The following CNTNAP2 variants were observed in gnomAD, a reference collection of about 807,000 sequenced individuals.
CNTNAP2 encodes the protein contactin-associated protein-like 2.
A neutral mutation model predicts 155.2 loss-of-function variants in CNTNAP2; 98 were observed. The ratio of observed to expected loss-of-function variants is 0.63; its 90% confidence interval spans 0.54 to 0.75. The LOEUF (loss-of-function observed/expected upper bound fraction) is 0.75. Ranked by LOEUF, CNTNAP2 falls within the 30% of genes least tolerant of loss-of-function variation. CNTNAP2 has a pLI of 0.00. For missense variants in CNTNAP2, 1,727 were observed against 1,688.1 expected, an observed-to-expected ratio of 1.02 and a Z score of -0.40; for synonymous variants, 651 against 631.2, an observed-to-expected ratio of 1.03 and a Z score of -0.47.
At chr7:146,473,761 C>G (rs1584941593) in intron 1 of CNTNAP2, among the ~76,000 whole-genome samples, 1 of 152,112 alleles carries the variant, frequency 6.6e-6, no homozygotes, top group South Asian at 2.1e-4. Flanking sequence ...TTTTTCCCCC[C>G]ATTTTTCTAT....
At chr7:147,252,965 A>G (rs978102963) in intron 8 of CNTNAP2, among the ~76,000 whole-genome samples, 3 of 152,192 alleles carry the variant, frequency 2.0e-5, no homozygotes, top group African/African-American at 7.2e-5. Context: ...TGTGTTCAAC[A>G]AACAATTCAC....
chr7:146,921,076 A>G (rs1796489020), intron 3 of CNTNAP2, among the ~76,000 whole-genome samples: 1 of 152,180 alleles, frequency 6.6e-6, no homozygotes. Context: ...TATCTTCTAG[A>G]AAAGGAAAAA....
intron 1 of CNTNAP2, among the ~76,000 whole-genome samples, chr7:146,747,873 A>C (rs545841399): frequency 6.6e-6 from 1 of 152,228 alleles, no homozygotes; most frequent in African/African-American, 2.4e-5. Flanking sequence ...ACATTGATGA[A>C]ATTTTTTCAA....
At chr7:147,348,159 A>G (rs2116873260) in intron 9 of CNTNAP2, among the ~76,000 whole-genome samples, 1 of 152,120 alleles carries the variant, frequency 6.6e-6, no homozygotes, top group South Asian at 2.1e-4. Context: ...ATAAATAAGG[A>G]AAATGAGATT....
intron 2 of CNTNAP2, among the ~76,000 whole-genome samples, chr7:146,788,184 A>G (rs1190686793): frequency 6.6e-6 from 1 of 152,282 alleles, no homozygotes; most frequent in South Asian, 2.1e-4. Context: ...GCCGGCGCCC[A>G]CCTGGAACCC....
chr7:148,180,627 C>T (rs1795020717), intron 18 of CNTNAP2, among the ~76,000 whole-genome samples: 1 of 152,114 alleles, frequency 6.6e-6, no homozygotes, highest in African/African-American at 2.4e-5. Flanking sequence ...TGGTGGATTC[C>T]TTTACCTCCT....
Position 146,223,545 on chromosome 7 carries a change from T to C in CNTNAP2, c.97+106572T>C, listed in dbSNP as rs114693269. 5.2e-3 allele frequency among the ~76,000 whole-genome samples: 792 copies of C among 152,252 alleles called. 6 individuals are homozygous for C. The highest frequency in any genetic ancestry group is 0.018 in the African/African-American group (749 of 41,536). Reference sequence around the variant, plus strand: ...ATGAGTGAGAATGAGGAGTTTGATTTCCTTAGTGAACCTCCATAGGAAGTG... The same window carrying C: ...ATGAGTGAGAATGAGGAGTTTGATTCCCTTAGTGAACCTCCATAGGAAGTG... On this transcript the variant is annotated intron_variant, in intron 1 of 23. Transcript: ENST00000361727.
intron 3 of CNTNAP2, among the ~76,000 whole-genome samples, chr7:146,855,213 C>A (rs1015894327): frequency 6.6e-6 from 1 of 152,112 alleles, no homozygotes; most frequent in Non-Finnish European, 1.5e-5. Flanking sequence ...GGGGAAACAG[C>A]ATTCTCATAT....
In CNTNAP2 at chr7:146,847,479, C is replaced by T. The variant is rs557748114; in HGVS notation, c.402+7575C>T. ...AGTCACTTACCTGAATAGTATTTAC[C>T]TCAATGGAGGTTGTAGGTATTAAGA... On this transcript the variant is annotated intron_variant, in intron 3 of 23. Coordinates refer to ENST00000361727, the MANE Select transcript of CNTNAP2 (RefSeq NM_014141.6). 1.5e-3 allele frequency among the ~76,000 whole-genome samples: 233 copies of T among 152,152 alleles called. 1 individual carries two copies. The highest frequency in any genetic ancestry group is 2.6e-3 in the Admixed American group (40 of 15,274).
rs150089642 is a variant in CNTNAP2 at position 146,565,148 on chromosome 7, TAC to T, written c.98-209108_98-209107del. Among the ~76,000 whole-genome samples the T allele has an allele frequency of 4.7e-3, 711 of 150,022 alleles. 5 individuals are homozygous for T. Among genetic ancestry groups the T allele is most frequent in the African/African-American group, 0.016 (654 of 41,088 alleles). On this transcript the variant is annotated intron_variant, in intron 1 of 23. Transcript: ENST00000361727. ...TTGTAAAGTTAAACACACACACACA[TAC>T]ACACACACACACACGACATTAAGGG...
At chr7:148,315,213 C>T (rs1444271805) in intron 21 of CNTNAP2, among the ~76,000 whole-genome samples, 3 of 152,158 alleles carry the variant, frequency 2.0e-5, no homozygotes, top group Non-Finnish European at 2.9e-5. Flanking sequence ...ATTTCACTTG[C>T]GTCCATGTGA....
intron 12 of CNTNAP2, among the ~76,000 whole-genome samples, chr7:147,589,094 A>G (rs925636947): frequency 1.3e-5 from 2 of 152,208 alleles, no homozygotes; most frequent in Non-Finnish European, 2.9e-5. Context: ...TGAAAAGAAA[A>G]AAACTCTACC....
intron 2 of CNTNAP2, among the ~76,000 whole-genome samples, chr7:146,796,936 A>G (rs922847656): frequency 6.6e-5 from 10 of 152,076 alleles, no homozygotes; most frequent in African/African-American, 2.2e-4. Context: ...GGAGATCGAG[A>G]CCATTCTGTC....
chr7:147,966,886 G>T (rs754437146), intron 14 of CNTNAP2, among the ~76,000 whole-genome samples: 7 of 152,064 alleles, frequency 4.6e-5, no homozygotes, highest in Admixed American at 1.3e-4. Flanking sequence ...GAGGGGAGTT[G>T]TCAGTGGCTG....
intron 3 of CNTNAP2, among the ~76,000 whole-genome samples, chr7:146,902,860 A>G (rs932053875): frequency 2.0e-5 from 3 of 152,188 alleles, no homozygotes; most frequent in African/African-American, 7.2e-5. Flanking sequence ...CCTCGATGAC[A>G]TGGTTTTTCC....
chr7:148,181,899 A>G (rs1249293635), intron 18 of CNTNAP2, among the ~76,000 whole-genome samples: 1 of 151,666 alleles, frequency 6.6e-6, no homozygotes, highest in Non-Finnish European at 1.5e-5. Context: ...CTGGGACTAC[A>G]GGCGCCTGCC....
intron 10 of CNTNAP2, among the ~76,000 whole-genome samples, chr7:147,458,071 AC>A (rs1797953167): frequency 1.3e-5 from 2 of 152,168 alleles, no homozygotes; most frequent in Non-Finnish European, 2.9e-5. Context: ...ACTTTATTAA[AC>A]ATTAAATAAT....
intron 1 of CNTNAP2, among the ~76,000 whole-genome samples, chr7:146,657,150 C>T (rs879725667): frequency 2.6e-5 from 4 of 152,128 alleles, no homozygotes; most frequent in Non-Finnish European, 4.4e-5. Flanking sequence ...ATATTAAGAT[C>T]TCATTTATTC....
intron 8 of CNTNAP2, among the ~76,000 whole-genome samples, chr7:147,199,016 C>T (rs1395717949): frequency 7.2e-6 from 1 of 139,822 alleles, no homozygotes; most frequent in African/African-American, 2.7e-5. Flanking sequence ...GGCTGGAGTG[C>T]AATGGCGTGG....
Sources: allele counts gnomAD v4.1 joint callset (sites outside exome capture counted in the v4.1 genomes callset), GRCh38; gene constraint gnomAD v4.1.1; transcripts MANE v1.5; gene names NCBI Gene and HGNC (gene_info 2026-07-23, HGNC 2026-07-21).